The following ALK variants were observed in gnomAD, a reference collection of about 807,000 sequenced individuals.
ALK encodes ALK tyrosine kinase receptor.
In ALK, 74 loss-of-function variants were observed where a neutral mutation model predicts 163.1. The ratio of observed to expected loss-of-function variants is 0.45; its 90% CI spans 0.38 to 0.55. The LOEUF (loss-of-function observed/expected upper bound fraction) is 0.55, where lower values mean the gene tolerates loss of function less well. Ranked by LOEUF, ALK falls within the 20% of genes least tolerant of loss-of-function variation. The pLI, the probability that ALK is intolerant of heterozygous loss-of-function variation, is 0.00. For missense variants in ALK, 2,063 were observed against 2,105.3 expected (o/e 0.98, Z 0.39); for synonymous variants, 960 against 843.2 (o/e 1.14, Z -2.40).
At chr2:29,853,093 A>G (rs920084897) in intron 1 of ALK, among the ~76,000 whole-genome samples, 1 of 152,238 alleles carries the variant, frequency 6.6e-6, no homozygotes, top group African/African-American at 2.4e-5. Flanking sequence ...AATAAGACAG[A>G]GAAAACTCAT....
At chr2:29,718,898 C>T (rs574060626) in intron 1 of ALK, among the ~76,000 whole-genome samples, 5 of 152,344 alleles carry the variant, frequency 3.3e-5, no homozygotes, top group African/African-American at 1.2e-4. Context: ...AGGCAGGCAG[C>T]AGGAGTAGCA....
chr2:29,284,993 T>C (rs929954926), intron 9 of ALK, among the ~76,000 whole-genome samples: 8 of 152,234 alleles, frequency 5.3e-5, no homozygotes, highest in Non-Finnish European at 1.5e-5. Context: ...CCTTAGGGAT[T>C]GACAAACCTA....
At chr2:29,585,612 G>A (rs538560692) in intron 3 of ALK, among the ~76,000 whole-genome samples, 2 of 152,258 alleles carry the variant, frequency 1.3e-5, no homozygotes, top group African/African-American at 2.4e-5. Context: ...ACCCGCGTGA[G>A]CCACTGTGCC....
At chr2:29,634,571 A>C (rs1676470350) in intron 3 of ALK, among the ~76,000 whole-genome samples, 6 of 152,196 alleles carry the variant, frequency 3.9e-5, no homozygotes, top group Admixed American at 3.3e-4. Flanking sequence ...AGATAAATTC[A>C]ACACTCATTC....
intron 11 of ALK, among the ~76,000 whole-genome samples, chr2:29,254,855 G>C (rs968329830): frequency 1.3e-5 from 2 of 152,124 alleles, no homozygotes; most frequent in Non-Finnish European, 2.9e-5. Flanking sequence ...GGGACTCCAG[G>C]GTCATTTCTC....
At chr2:29,606,133 T>C (rs1675535744) in intron 3 of ALK, among the ~76,000 whole-genome samples, 1 of 152,200 alleles carries the variant, frequency 6.6e-6, no homozygotes, top group Non-Finnish European at 1.5e-5. Context: ...CCAAGACTCA[T>C]TTTTTCACAA....
chr2:29,302,421 G>C (rs1439366401), intron 8 of ALK, among the ~76,000 whole-genome samples: 1 of 152,222 alleles, frequency 6.6e-6, no homozygotes, highest in Non-Finnish European at 1.5e-5. Context: ...GGGAGGCTGA[G>C]GCAGGAGAAT....
rs765957492 is a variant in ALK at position 29,254,305 on chromosome 2, CTATA to C, written c.2042-3042_2042-3039del. On this transcript the variant is annotated intron_variant, in intron 11 of 28. Transcript: ENST00000389048. ...ATGAATACATATTCTCTCTCTCTCT[CTATA>C]TATATATATGAATACATATATGTGT... 4.8e-3 allele frequency among the ~76,000 whole-genome samples: 241 copies of C among 50,534 alleles called. 3 individuals are homozygous for C. In the East Asian group the frequency reaches 0.079, roughly 17 times the overall value. The allele number at this position is 50,534 out of a possible 152,430, so 33.2% of individuals were successfully genotyped here.
chr2:29,295,464 T>A (rs910806664), intron 9 of ALK, among the ~76,000 whole-genome samples: 1 of 152,140 alleles, frequency 6.6e-6, no homozygotes, highest in Non-Finnish European at 1.5e-5. Context: ...TAAACTATAG[T>A]GGGCAGAGCT....
chr2:29,593,610 T>C (rs1330042771), intron 3 of ALK, among the ~76,000 whole-genome samples: 2 of 152,360 alleles, frequency 1.3e-5, no homozygotes, highest in Middle Eastern at 3.4e-3. Context: ...GAGAAGAATA[T>C]TGGCCGTTAG....
intron 1 of ALK, among the ~76,000 whole-genome samples, chr2:29,802,168 T>C (rs1209892037): frequency 2.0e-5 from 3 of 152,044 alleles, no homozygotes; most frequent in East Asian, 1.9e-4. Flanking sequence ...TCTCCCAAAA[T>C]AGTTACCTAC....
At chr2:29,732,309 T>C (rs1044357260) in intron 1 of ALK, among the ~76,000 whole-genome samples, 6 of 152,156 alleles carry the variant, frequency 3.9e-5, no homozygotes, top group Non-Finnish European at 5.9e-5. Flanking sequence ...AGTCAGAATA[T>C]GAGAGAGAAA....
At chr2:29,523,487 G>A (rs776570639) in intron 4 of ALK, among the ~76,000 whole-genome samples, 2 of 152,146 alleles carry the variant, frequency 1.3e-5, no homozygotes, top group East Asian at 3.9e-4. Context: ...TTGACAGAAT[G>A]CATACATGAA....
chr2:29,811,403 T>C (rs142689804), intron 1 of ALK, among the ~76,000 whole-genome samples: 7 of 152,256 alleles, frequency 4.6e-5, no homozygotes, highest in African/African-American at 1.4e-4. Context: ...AGTATTTACA[T>C]TGGGTCATCA....
intron 1 of ALK, among the ~76,000 whole-genome samples, chr2:29,902,744 C>T (rs907546826): frequency 6.6e-6 from 1 of 152,212 alleles, no homozygotes; most frequent in African/African-American, 2.4e-5. Context: ...CCTCTTTCAT[C>T]CTGACTATTC....
chr2:29,404,910 G>A (rs1669544675), intron 4 of ALK, among the ~76,000 whole-genome samples: 1 of 152,176 alleles, frequency 6.6e-6, no homozygotes, highest in Non-Finnish European at 1.5e-5. Context: ...GCCCCAAGGA[G>A]GAGGACTGAG....
intron 3 of ALK, among the ~76,000 whole-genome samples, chr2:29,685,041 C>T (rs772526686): frequency 2.0e-5 from 3 of 152,230 alleles, no homozygotes; most frequent in African/African-American, 7.2e-5. Context: ...CGATTATCAT[C>T]TACAACTTAG....
chr2:29,457,597 T>C (rs1364888465), intron 4 of ALK, among the ~76,000 whole-genome samples: 1 of 152,136 alleles, frequency 6.6e-6, no homozygotes, highest in Non-Finnish European at 1.5e-5. Context: ...TCTTCTTACA[T>C]TGCTCCTTCT....
At chr2:29,462,525 G>A (rs1040220280) in intron 4 of ALK, among the ~76,000 whole-genome samples, 1 of 152,108 alleles carries the variant, frequency 6.6e-6, no homozygotes, top group African/African-American at 2.4e-5. Flanking sequence ...CTCACCGAAG[G>A]CTCAAATGAT....
Sources: gnomAD v4.1 joint callset for allele counts (sites outside exome capture counted in the v4.1 genomes callset) on GRCh38, gnomAD v4.1.1 for gene constraint, MANE v1.5 for transcripts, NCBI Gene and HGNC (gene_info 2026-07-23, HGNC 2026-07-21) for gene names.